The following DNAH12 variants were observed in gnomAD, a reference collection of about 807,000 sequenced individuals.
DNAH12 encodes the protein dynein axonemal heavy chain 12.
A neutral mutation model predicts 371.5 loss-of-function variants in DNAH12; 285 were observed. That is an observed-to-expected ratio of 0.77 (90% CI 0.70 to 0.85). The LOEUF (loss-of-function observed/expected upper bound fraction) is 0.85. Ranked by LOEUF, DNAH12 falls within the 40% of genes least tolerant of loss-of-function variation. The pLI is 0.00. For missense variants in DNAH12, 3,611 were observed against 3,689.4 expected, an observed-to-expected ratio of 0.98 and a Z score of 0.55; for synonymous variants, 1,200 against 1,213.0, an observed-to-expected ratio of 0.99 and a Z score of 0.22.
chr3:57,469,435 G>C (rs1186720511), intron 16 of DNAH12, among the ~76,000 whole-genome samples: 1 of 152,148 alleles, frequency 6.6e-6, no homozygotes, highest in Non-Finnish European at 1.5e-5. Context: ...ATTTTTCAAA[G>C]AATTTAAAAC....
At chr3:57,433,254 CTGCATCCTTTATTTT>C (rs1331977497) in intron 32 of DNAH12, 98 bp downstream of exon 32, 17 of 1,252,500 alleles carry the variant, frequency 1.4e-5, no homozygotes, top group Admixed American at 1.4e-4. Flanking sequence ...ACTCAACTTG[CTGCATCCTTTATTTT>C]TGCATCCTTT....
At chr3:57,348,690 T>C (rs984251639) in intron 60 of DNAH12, among the ~76,000 whole-genome samples, 3 of 152,140 alleles carry the variant, frequency 2.0e-5, no homozygotes, top group Admixed American at 6.6e-5. Context: ...TAGAAAACTA[T>C]GAAACATTAT....
chr3:57,482,866 G>C (rs1296034831), intron 13 of DNAH12, among the ~76,000 whole-genome samples: 5 of 135,040 alleles, frequency 3.7e-5, no homozygotes, highest in African/African-American at 1.4e-4. Context: ...GGTGGGAATT[G>C]AACAATGAGA....
chr3:57,401,563 C>CAAA (rs71294714), intron 43 of DNAH12, among the ~76,000 whole-genome samples: 81 of 67,864 alleles, frequency 1.2e-3, no homozygotes, highest in Middle Eastern at 9.1e-3. Flanking sequence ...GACTCCATCT[C>CAAA]AAAAAAAAAA....
chr3:57,465,216 T>C (rs533464099), intron 17 of DNAH12, among the ~76,000 whole-genome samples: 2 of 152,276 alleles, frequency 1.3e-5, no homozygotes, highest in South Asian at 2.1e-4. Context: ...GTGGTCCTCA[T>C]GGAATATGAA....
chr3:57,491,403 G>T (rs1297980208), intron 11 of DNAH12, among the ~76,000 whole-genome samples: 2 of 152,012 alleles, frequency 1.3e-5, no homozygotes, highest in Non-Finnish European at 2.9e-5. Flanking sequence ...AAGCTACATG[G>T]TTATTAACAC....
Position 57,394,255 on chromosome 3 carries a change from A to C in DNAH12, c.7026T>G (p.Ala2342=), listed in dbSNP as rs1028876121. Residue 2342 remains alanine (A), a synonymous_variant, in exon 44 of 74, where the codon GCT becomes GCG. Coordinates refer to ENST00000495027, the MANE Select transcript of DNAH12 (RefSeq NM_001366028.2). ...GCACACTGTCGATATCCTCTAGGAAAGCTTCCTCTTTAATCTGAGTGTCCG... is the reference window on the plus strand; with the variant it reads ...GCACACTGTCGATATCCTCTAGGAACGCTTCCTCTTTAATCTGAGTGTCCG... ...LITDTQIKEE[A]FLEDIDSVLN... 3.3e-5 allele frequency: 5 copies of C among 152,236 alleles called. No individual in the cohort carries two copies. The highest frequency in any genetic ancestry group is 6.5e-5 in the Admixed American group (1 of 15,278). 9.4% of individuals were successfully genotyped at this position (152,236 alleles called of 1,614,324 possible).
intron 59 of DNAH12, among the ~76,000 whole-genome samples, chr3:57,355,501 CTTTAAG>C (rs1200665344): frequency 6.9e-6 from 1 of 145,950 alleles, no homozygotes; most frequent in African/African-American, 2.4e-5. Flanking sequence ...TTTTTTTTAA[CTTTAAG>C]TTTTTGTGTG....
chr3:57,445,543 C>G (rs1019465747), intron 27 of DNAH12, 124 bp from the exon 28 acceptor site: 1 of 879,654 alleles, frequency 1.1e-6, no homozygotes, highest in African/African-American at 1.8e-5. Flanking sequence ...TTTTTCTAAA[C>G]TCTAATTTTT....
At position 57,527,134 on chromosome 3, in the gene DNAH12, C is replaced by T. The variant is rs913512652; in HGVS notation, c.171-3250G>A. 3.9e-5 allele frequency among the ~76,000 whole-genome samples: 6 copies of T among 152,206 alleles called. No individual in the cohort carries two copies. The East Asian group carries it at 1.2e-3, about 29-fold the overall frequency. ...GAGAAATGTCTATTTAGATCTTTTG[C>T]CTATTTTTAAATCAGATTATTAGTT... On this transcript the variant is annotated intron_variant, in intron 2 of 73. Transcript: ENST00000495027.
chr3:57,517,136 G>A (rs1180001593), intron 4 of DNAH12, among the ~76,000 whole-genome samples: 3 of 152,006 alleles, frequency 2.0e-5, no homozygotes, highest in African/African-American at 4.8e-5. Context: ...CACCACCTCA[G>A]GGACGCCTTC....
intron 32 of DNAH12, among the ~76,000 whole-genome samples, chr3:57,430,940 T>C (rs978043859): frequency 3.3e-5 from 5 of 152,190 alleles, no homozygotes; most frequent in African/African-American, 9.7e-5. Flanking sequence ...TAAAACTAAA[T>C]AAAATTTAAA....
intron 2 of DNAH12, among the ~76,000 whole-genome samples, chr3:57,538,416 T>C (rs1575753591): frequency 8.1e-6 from 1 of 123,506 alleles, no homozygotes; most frequent in Admixed American, 8.8e-5. Flanking sequence ...TAAAGCACAA[T>C]AAAGGCAAGG....
chr3:57,322,616 A>G, intron 64 of DNAH12, 133 bp from the exon 65 acceptor site: 1 of 1,096,616 alleles, frequency 9.1e-7, no homozygotes, highest in Non-Finnish European at 1.2e-6. Context: ...AAGGTTAAGC[A>G]TCTGAGGCTT....
At chr3:57,501,496 G>T (rs1209801497) in intron 10 of DNAH12, 84 bp from the exon 11 acceptor site, 2 of 884,614 alleles carry the variant, frequency 2.3e-6, no homozygotes, top group Non-Finnish European at 3.4e-6. Flanking sequence ...ATGGAATGGG[G>T]ACCTACTCAA....
chr3:57,475,559 G>A (rs2066497497), intron 13 of DNAH12, among the ~76,000 whole-genome samples: 1 of 152,026 alleles, frequency 6.6e-6, no homozygotes, highest in Admixed American at 6.6e-5. Flanking sequence ...TTTGTGTTAT[G>A]TTCATTTTAC....
intron 72 of DNAH12, 64 bp downstream of exon 72, chr3:57,296,280 G>T: frequency 1.6e-6 from 2 of 1,255,946 alleles, no homozygotes; most frequent in Non-Finnish European, 2.2e-6. Context: ...TTAAGCAACA[G>T]ATTGCTTATC....
chr3:57,376,661 C>T (rs2063288582), intron 53 of DNAH12, among the ~76,000 whole-genome samples: 1 of 152,104 alleles, frequency 6.6e-6, no homozygotes, highest in Non-Finnish European at 1.5e-5. Flanking sequence ...CTGATCCCTC[C>T]AAACATTACA....
chr3:57,356,613 G>A (rs2062807586), intron 59 of DNAH12, among the ~76,000 whole-genome samples: 2 of 151,776 alleles, frequency 1.3e-5, no homozygotes, highest in Admixed American at 6.6e-5. Context: ...TTAAGAGAGA[G>A]AAGAAAAAAA....
Sources: allele counts gnomAD v4.1 joint callset (sites outside exome capture counted in the v4.1 genomes callset), GRCh38; gene constraint gnomAD v4.1.1; transcripts MANE v1.5; gene names NCBI Gene and HGNC (gene_info 2026-07-23, HGNC 2026-07-21).